Variants in STIM1 observed in about 807,000 individuals in gnomAD.
STIM1 encodes stromal interaction molecule 1.
Under a neutral mutation model 74.7 loss-of-function variants are expected in STIM1, and 25 were observed. That is an observed-to-expected ratio of 0.33 (90% CI 0.24 to 0.47). The LOEUF (loss-of-function observed/expected upper bound fraction) is 0.47. STIM1 is among the 20% of genes least tolerant of loss of function. The pLI, the probability that STIM1 is intolerant of heterozygous loss-of-function variation, is 1.00. For synonymous variants in STIM1, 328 were observed against 348.8 expected, an observed-to-expected ratio of 0.94 and a Z score of 0.66; for missense variants, 728 against 920.8, an observed-to-expected ratio of 0.79 and a Z score of 2.71.
chr11:4,059,027 C>A, intron 4 of STIM1: 3 of 982,128 alleles, frequency 3.1e-6, no homozygotes, highest in African/African-American at 1.7e-5. Context: ...TGGTCACAGA[C>A]AGGTAATCCT....
intron 4 of STIM1, among the ~76,000 whole-genome samples, chr11:4,055,993 A>G (rs898700972): frequency 6.6e-6 from 1 of 152,188 alleles, no homozygotes; most frequent in Non-Finnish European, 1.5e-5. Flanking sequence ...GAAACTGGTT[A>G]AGTAACTTAT....
chr11:3,905,377 T>C (rs1324337745), intron 1 of STIM1, among the ~76,000 whole-genome samples: 4 of 151,942 alleles, frequency 2.6e-5, no homozygotes, highest in Non-Finnish European at 4.4e-5. Flanking sequence ...AGATTTTTTT[T>C]TTTTTTTAAA....
intron 1 of STIM1, among the ~76,000 whole-genome samples, chr11:3,959,293 T>C (rs999040938): frequency 2.6e-5 from 4 of 152,154 alleles, no homozygotes; most frequent in African/African-American, 7.2e-5. Context: ...AATTACTGTT[T>C]AGTGACGAGA....
chr11:4,088,714 A>G, intron 12 of STIM1: 2 of 1,535,824 alleles, frequency 1.3e-6, no homozygotes, highest in Non-Finnish European at 1.7e-6. Context: ...GATCATCTCT[A>G]AAGGCAAACA....
chr11:3,895,813 C>T (rs188264573), intron 1 of STIM1, among the ~76,000 whole-genome samples: 39,116 of 66,596 alleles, frequency 0.59, 12,196 homozygotes, highest in South Asian at 0.69. Flanking sequence ...CCTTTCTTTC[C>T]TTCCTTCTTT....
Position 4,091,772 on chromosome 11 carries a change from A to T in STIM1, c.2125A>T (p.Ile709Phe), listed in dbSNP as rs747118337. Residue 709 changes from isoleucine to phenylalanine, a missense_variant, in exon 13 of 13, where the codon ATC (isoleucine) becomes TTC (phenylalanine). By Grantham distance (21) the Ile-to-Phe change is conservative. Around this residue, in one of 5 missense-constraint regions of STIM1, gnomAD observed 352 missense variants for 370.1 expected, o/e 0.95. Coordinates refer to ENST00000526596, the MANE Select transcript of STIM1 (RefSeq NM_001382567.1). ...SPGRKKFPLKIFKKPLKK is the reference protein window; with the variant it reads ...SPGRKKFPLKFFKKPLKK ...AGGCCGGAAGAAGTTTCCCCTCAAAATCTTTAAGAAGCCTCTTAAGAAGTA... is the reference window on the plus strand; with the variant it reads ...AGGCCGGAAGAAGTTTCCCCTCAAATTCTTTAAGAAGCCTCTTAAGAAGTA... The T allele has an allele frequency of 1.9e-6, 3 of 1,608,064 alleles. No homozygotes were observed. In the Admixed American group the frequency reaches 5.0e-5, roughly 27 times the overall value.
chr11:4,079,339 C>T (rs140582744), intron 7 of STIM1, among the ~76,000 whole-genome samples: 6,218 of 150,498 alleles, frequency 0.041, 401 homozygotes, highest in African/African-American at 0.14. Context: ...TTTGGGAGGC[C>T]GAGGTGTGCA....
chr11:3,991,434 G>A (rs1388694020), intron 2 of STIM1, among the ~76,000 whole-genome samples: 2 of 151,796 alleles, frequency 1.3e-5, no homozygotes. Flanking sequence ...GCCTCCCAAA[G>A]TGCTGGTATT....
intron 3 of STIM1, among the ~76,000 whole-genome samples, chr11:4,028,673 G>T (rs555422107): frequency 6.6e-6 from 1 of 150,450 alleles, no homozygotes; most frequent in African/African-American, 2.4e-5. Context: ...GCCTTCCAAA[G>T]TTCTAGGATT....
At chr11:3,957,083 A>G (rs1251715177) in intron 1 of STIM1, among the ~76,000 whole-genome samples, 1 of 152,128 alleles carries the variant, frequency 6.6e-6, no homozygotes, top group East Asian at 1.9e-4. Context: ...ATCAAATGCT[A>G]TGAAAAATGA....
At chr11:3,892,909 GGCA>G in intron 1 of STIM1, 5 of 1,319,498 alleles carry the variant, frequency 3.8e-6, no homozygotes, top group Non-Finnish European at 3.3e-6. Flanking sequence ...CGGGGCTCCC[GGCA>G]GCAGCAGCAT....
chr11:4,037,082 G>A (rs1425948432), intron 3 of STIM1, among the ~76,000 whole-genome samples: 1 of 150,016 alleles, frequency 6.7e-6, no homozygotes, highest in Admixed American at 6.7e-5. Flanking sequence ...TTGAGATGGA[G>A]TCTCGCTCTG....
At chr11:4,033,543 T>C (rs2094070447) in intron 3 of STIM1, among the ~76,000 whole-genome samples, 1 of 152,082 alleles carries the variant, frequency 6.6e-6, no homozygotes, top group African/African-American at 2.4e-5. Context: ...GGATAGTATT[T>C]CTAGTACAGT....
chr11:4,035,492 G>A (rs2959076), intron 3 of STIM1, among the ~76,000 whole-genome samples: 147,865 of 152,070 alleles, frequency 0.97, 71,896 homozygotes, highest in South Asian at 0.99. Flanking sequence ...AGATCCATCC[G>A]TTATTGGTTT....
chr11:4,043,917 A>G (rs1380093273), intron 3 of STIM1, among the ~76,000 whole-genome samples: 3 of 152,124 alleles, frequency 2.0e-5, no homozygotes, highest in Non-Finnish European at 4.4e-5. Flanking sequence ...CGGGAGGCTG[A>G]GGCAGGAGAA....
intron 1 of STIM1, among the ~76,000 whole-genome samples, chr11:3,940,642 C>G (rs2092993575): frequency 2.0e-5 from 3 of 152,096 alleles, no homozygotes; most frequent in Admixed American, 2.0e-4. Flanking sequence ...TGACTGCCTC[C>G]CCTACGACCC....
intron 2 of STIM1, among the ~76,000 whole-genome samples, chr11:4,014,084 T>A (rs1180165072): frequency 6.6e-6 from 1 of 152,152 alleles, no homozygotes; most frequent in Non-Finnish European, 1.5e-5. Flanking sequence ...TTTCTTGTCT[T>A]CTGCTAGCTC....
intron 1 of STIM1, among the ~76,000 whole-genome samples, chr11:3,916,450 A>ATTT (rs113404071): frequency 2.4e-5 from 3 of 126,082 alleles, no homozygotes; most frequent in African/African-American, 9.2e-5. Flanking sequence ...ACCACACCCA[A>ATTT]TTTTTTTTTT....
At chr11:3,872,217 T>C (rs918459948) in intron 1 of STIM1, among the ~76,000 whole-genome samples, 2 of 152,006 alleles carry the variant, frequency 1.3e-5, no homozygotes. Context: ...CACGCCCGGC[T>C]AAGTTTTGTA....
Sources: allele counts gnomAD v4.1 joint callset (sites outside exome capture counted in the v4.1 genomes callset), GRCh38; gene constraint gnomAD v4.1.1; regional missense constraint gnomAD v4.1.1; transcripts MANE v1.5; gene names NCBI Gene and HGNC (gene_info 2026-07-23, HGNC 2026-07-21).